ABCC12: variants seen among roughly 807,000 people sequenced by gnomAD.
ABCC12 encodes the protein ATP-binding cassette sub-family C member 12.
ABCC12 carries 142 observed loss-of-function variants against 151.1 expected under a neutral mutation model. The observed-to-expected ratio is 0.94, with a 90% confidence interval of 0.82 to 1.08. The LOEUF (loss-of-function observed/expected upper bound fraction) is 1.08, where lower values mean the gene tolerates loss of function less well. Ranked by LOEUF, ABCC12 falls within the 50% of genes least tolerant of loss-of-function variation. The probability of loss-of-function intolerance (pLI) is 0.00; values close to 1 mark genes in which losing one functional copy is unlikely to be tolerated. For missense variants in ABCC12, 1,638 were observed against 1,691.1 expected (o/e 0.97, Z 0.55); for synonymous variants, 645 against 646.4 (o/e 1.00, Z 0.03).
At chr16:48,144,379 G>A (rs1189076283) in intron 3 of ABCC12, among the ~76,000 whole-genome samples, 1 of 151,576 alleles carries the variant, frequency 6.6e-6, no homozygotes, top group African/African-American at 2.4e-5. Flanking sequence ...TCCTTTTTTT[G>A]TTCTTCTTCC....
intron 3 of ABCC12, among the ~76,000 whole-genome samples, chr16:48,144,408 C>T (rs1964930109): frequency 6.6e-6 from 1 of 152,020 alleles, no homozygotes; most frequent in Non-Finnish European, 1.5e-5. Flanking sequence ...TTCTTCCCCT[C>T]CTCTTCCTTC....
chr16:48,094,943 G>T (rs186968375), intron 24 of ABCC12, among the ~76,000 whole-genome samples: 30 of 152,294 alleles, frequency 2.0e-4, no homozygotes, highest in African/African-American at 6.7e-4. Flanking sequence ...TCAGGAGACA[G>T]ATGGACAAAA....
chr16:48,088,224 C>T (rs1354290457), intron 26 of ABCC12, 139 bp from the exon 27 acceptor site: 2 of 1,088,510 alleles, frequency 1.8e-6, no homozygotes, highest in African/African-American at 3.2e-5. Context: ...AGTGTCCTCA[C>T]CAGGGTGGGG....
chr16:48,120,644 C>T (rs1470940134), intron 13 of ABCC12, among the ~76,000 whole-genome samples: 4 of 151,648 alleles, frequency 2.6e-5, no homozygotes, highest in African/African-American at 9.7e-5. Flanking sequence ...CAACCTCCAC[C>T]TCCCGGGTTC....
chr16:48,140,633 C>T, intron 6 of ABCC12, 54 bp downstream of exon 6: 1 of 1,553,828 alleles, frequency 6.4e-7, no homozygotes, highest in East Asian at 2.3e-5. Context: ...CTCACATGCA[C>T]TCAAACCACT....
intron 11 of ABCC12, among the ~76,000 whole-genome samples, chr16:48,125,400 T>C (rs556007797): frequency 2.0e-5 from 3 of 152,110 alleles, no homozygotes; most frequent in Non-Finnish European, 4.4e-5. Flanking sequence ...TATGGAGGTG[T>C]GCAGAGCCCT....
At chr16:48,148,012 A>G (rs977736185) in intron 2 of ABCC12, among the ~76,000 whole-genome samples, 2 of 151,952 alleles carry the variant, frequency 1.3e-5, no homozygotes, top group African/African-American at 4.8e-5. Flanking sequence ...CAGTGGTGCG[A>G]TCTTGGCTAA....
Position 48,105,335 on chromosome 16 carries a change from A to C in ABCC12, c.2477T>G (p.Met826Arg), listed in dbSNP as rs749684635. 7.5e-6 allele frequency: 12 copies of C among 1,604,950 alleles called. No homozygotes were observed. Among genetic ancestry groups the C allele is most frequent in the Non-Finnish European group, 9.4e-6 (11 of 1,176,116 alleles). Residue 826 changes from methionine (M) to arginine (R), a missense_variant and splice_region_variant, in exon 21 of 31, where the codon ATG becomes AGG. By Grantham distance (91) the Met-to-Arg change is moderately conservative. Coordinates refer to ENST00000311303, the MANE Select transcript of ABCC12 (RefSeq NM_001393797.1). ...CCTGTTGCCCTGGGGCCCACAGGTC[A>C]TCTTTGGAGAAAAACAAGAGAAGCA... ...LGLWLDKGSR[M>R]TCGPQGNRTM...
chr16:48,083,017 AT>A lies in ABCC12; in HGVS notation c.*697del, dbSNP rs1291912775. On this transcript the variant is annotated 3_prime_UTR_variant, in exon 31 of 31. Transcript: ENST00000311303. The stretch of plus-strand genomic sequence containing the variant: ...GAGGAAATAGTATGGAAATTGGAAT[AT>A]CTTCAGTGAAATAATTGCAAGGCGA... 1 of 152,194 alleles carries A rather than the reference AT, an allele frequency of 6.6e-6. No individual in the cohort carries two copies. The highest frequency in any genetic ancestry group is 1.5e-5 in the Non-Finnish European group (1 of 68,028). 9.4% of individuals were successfully genotyped at this position (152,194 alleles called of 1,614,324 possible).
chr16:48,096,595 C>T (rs1180341109), intron 24 of ABCC12, 151 bp downstream of exon 24: 1 of 828,236 alleles, frequency 1.2e-6, no homozygotes, highest in Non-Finnish European at 2.0e-6. Flanking sequence ...ACACAACCAT[C>T]CTACTTTTTA....
chr16:48,093,251 G>A (rs777687121), intron 24 of ABCC12, among the ~76,000 whole-genome samples: 37 of 152,146 alleles, frequency 2.4e-4, no homozygotes, highest in African/African-American at 6.7e-4. Context: ...GTAATACCCC[G>A]CCCCTGGCTT....
chr16:48,121,958 C>T (rs1012161374), intron 12 of ABCC12, 118 bp from the exon 13 acceptor site: 14 of 1,442,206 alleles, frequency 9.7e-6, no homozygotes, highest in East Asian at 4.6e-5. Context: ...GGCACAAAAG[C>T]GTTGACAGGA....
intron 10 of ABCC12, among the ~76,000 whole-genome samples, chr16:48,129,787 C>T (rs570602715): frequency 6.6e-5 from 10 of 152,200 alleles, no homozygotes; most frequent in Admixed American, 3.3e-4. Context: ...AGGGACAGAG[C>T]GAAGGTTGAG....
chr16:48,140,437 C>T (rs1051871715), intron 6 of ABCC12, among the ~76,000 whole-genome samples: 1 of 152,146 alleles, frequency 6.6e-6, no homozygotes, highest in African/African-American at 2.4e-5. Flanking sequence ...GATTAAGTCT[C>T]CCTGAGCCCT....
rs76822180 is a variant in ABCC12 at position 48,107,379 on chromosome 16, A to C, written c.2418T>G (p.Ile806Met). The change falls in exon 20 of 31, where the codon ATT becomes ATG. Residue 806 changes from isoleucine to methionine, a missense_variant. Ile to Met is a conservative substitution (Grantham distance 10). Transcript: ENST00000311303. ...LFTVFLFLLM[I>M]GSAAFSNWWL... ...ACCAGTTGCTGAAGGCAGCGCTGCC[A>C]ATCATCAGGAGGAAGAGGAACACAG... The C allele has an allele frequency of 1.9e-6, 3 of 1,614,172 alleles. No individual in the cohort carries two copies. The African/African-American group carries it at 4.0e-5, about 22-fold the overall frequency.
intron 21 of ABCC12, 124 bp downstream of exon 21, chr16:48,105,015 A>T: frequency 9.2e-6 from 10 of 1,089,606 alleles, no homozygotes; most frequent in Non-Finnish European, 1.4e-5. Flanking sequence ...CCCAGACTAG[A>T]CTGCAAGCTC....
chr16:48,121,959 G>A (rs918464725), intron 12 of ABCC12, 119 bp from the exon 13 acceptor site: 110 of 1,435,662 alleles, frequency 7.7e-5, no homozygotes, highest in Non-Finnish European at 9.0e-5. Context: ...GCACAAAAGC[G>A]TTGACAGGAC....
intron 8 of ABCC12, among the ~76,000 whole-genome samples, chr16:48,136,793 G>A (rs1964625826): frequency 6.6e-6 from 1 of 152,116 alleles, no homozygotes; most frequent in African/African-American, 2.4e-5. Context: ...CAATTGCAAG[G>A]ATCCCGAGGC....
rs1419640048 is a variant in ABCC12 at position 48,086,724 on chromosome 16, C to A, written c.3714+17G>T. ...TGCTGGGAAACAAACTCCTCCTCAACAGCCCCAGAGACCTACTGTGTCTCT... is the reference window on the plus strand; with the variant it reads ...TGCTGGGAAACAAACTCCTCCTCAAAAGCCCCAGAGACCTACTGTGTCTCT... On this transcript the variant is annotated intron_variant, in intron 28 of 30. Transcript: ENST00000311303. 7.5e-6 allele frequency: 12 copies of A among 1,606,464 alleles called. No individual in the cohort carries two copies. In the Admixed American group the frequency reaches 2.0e-4, roughly 27 times the overall value.
Sources: gnomAD v4.1 joint callset for allele counts (sites outside exome capture counted in the v4.1 genomes callset) on GRCh38, gnomAD v4.1.1 for gene constraint, MANE v1.5 for transcripts, NCBI Gene and HGNC (gene_info 2026-07-23, HGNC 2026-07-21) for gene names.